TUBE1: variants seen among roughly 807,000 people sequenced by gnomAD.
TUBE1 encodes the protein tubulin epsilon 1.
Under a neutral mutation model 53.5 loss-of-function variants are expected in TUBE1, and 34 were observed. The observed-to-expected ratio is 0.64, with a 90% CI of 0.48 to 0.85. The LOEUF is 0.85. TUBE1 is among the 40% of genes least tolerant of loss of function. TUBE1 has a pLI of 0.00. For synonymous variants in TUBE1, 177 were observed against 198.4 expected (o/e 0.89, Z 0.91); for missense variants, 532 against 570.5 (o/e 0.93, Z 0.69).
At chr6:112,085,429 C>T (rs1174421055) in intron 3 of TUBE1, 1 of 247,160 alleles carries the variant, frequency 4.0e-6, no homozygotes, top group African/African-American at 2.3e-5. Flanking sequence ...AAGAAAAGCT[C>T]CCAGGCTGAG....
At chr6:112,087,209 G>C (rs1562607378) in intron 2 of TUBE1, 24 bp downstream of exon 2, 2 of 1,548,806 alleles carry the variant, frequency 1.3e-6, no homozygotes, top group Non-Finnish European at 8.7e-7. Context: ...ACAGGCGAGG[G>C]GGCTCGCGGC....
Position 112,071,208 on chromosome 6 carries a change from G to A in TUBE1, c.*204C>T. Reference sequence around the variant, plus strand: ...AAAGGGAACTTTTCTGAAGAGAAATGTTTGAAGTTAAGGTACTAAGATTTC... The same window carrying A: ...AAAGGGAACTTTTCTGAAGAGAAATATTTGAAGTTAAGGTACTAAGATTTC... On this transcript the variant is annotated 3_prime_UTR_variant, in exon 12 of 12. Transcript: ENST00000368662. 1 of 452,884 alleles carries A rather than the reference G, an allele frequency of 2.2e-6. No individual in the cohort carries two copies. Among genetic ancestry groups the A allele is most frequent in the Non-Finnish European group, 3.8e-6 (1 of 260,416 alleles). The allele number at this position is 452,884 out of a possible 1,614,324, so 28.1% of individuals were successfully genotyped here.
chr6:112,071,407 CT>C lies in TUBE1; in HGVS notation c.*4del. 1 of 1,487,810 alleles carries C rather than the reference CT, an allele frequency of 6.7e-7. No individual in the cohort carries two copies. Among genetic ancestry groups the C allele is most frequent in the South Asian group, 1.5e-5 (1 of 66,068 alleles). The allele number at this position is 1,487,810 out of a possible 1,614,324, so 92.2% of individuals were successfully genotyped here. On this transcript the variant is annotated 3_prime_UTR_variant, in exon 12 of 12. Transcript: ENST00000368662. ...ATTAAGAAAGTATTTTTGAGGGTTTCTTTTTCACATAGCTATGCTTAGTCTG... is the reference window on the plus strand; with the variant it reads ...ATTAAGAAAGTATTTTTGAGGGTTTCTTTTCACATAGCTATGCTTAGTCTG...
intron 6 of TUBE1, chr6:112,078,556 G>GTTCA (rs782383786): frequency 6.6e-6 from 1 of 151,986 alleles, no homozygotes; most frequent in Non-Finnish European, 1.5e-5. Context: ...TCATCTGTAA[G>GTTCA]GACAGGGAGT....
chr6:112,078,761 A>G (rs1777017929), intron 6 of TUBE1: 1 of 152,082 alleles, frequency 6.6e-6, no homozygotes, highest in Admixed American at 6.5e-5. Flanking sequence ...ACTAGCACAG[A>G]AACAAATTTG....
Position 112,081,065 on chromosome 6 carries a change from T to C in TUBE1, c.326+27A>G, listed in dbSNP as rs373045108. The C allele has an allele frequency of 1.0e-5, 14 of 1,353,604 alleles. No individual in the cohort carries two copies. In the African/African-American group the frequency reaches 1.5e-4, roughly 14 times the overall value. The allele number at this position is 1,353,604 out of a possible 1,614,324, so 83.8% of individuals were successfully genotyped here. On this transcript the variant is annotated intron_variant, in intron 5 of 11. Transcript: ENST00000368662. ...GATTGCTCATTTTTTTCAGAAGATATTCAATTTTTACGCTGTGTATTCTCA... is the reference window on the plus strand; with the variant it reads ...GATTGCTCATTTTTTTCAGAAGATACTCAATTTTTACGCTGTGTATTCTCA...
intron 6 of TUBE1, chr6:112,078,084 C>T (rs1171794706): frequency 2.0e-5 from 3 of 152,072 alleles, no homozygotes; most frequent in Non-Finnish European, 4.4e-5. Flanking sequence ...ATTTATGTCT[C>T]ATGATACTCA....
Position 112,076,098 on chromosome 6 carries a change from G to A in TUBE1, c.651C>T (p.Ile217=). ...LPIDNQSLFD[I]ISKIDLMVNS... is the part of the protein sequence containing the mutation. ...TCACCATGAGGTCGATTTTGCTAATGATGTCAAATAAAGACTTTTGAGGGA... is the reference window on the plus strand; with the variant it reads ...TCACCATGAGGTCGATTTTGCTAATAATGTCAAATAAAGACTTTTGAGGGA... Residue 217 remains isoleucine, a synonymous_variant, in exon 8 of 12, where the codon ATC becomes ATT. Transcript: ENST00000368662. 6.2e-7 allele frequency: 1 copy of A among 1,612,168 alleles called. No individual in the cohort carries two copies. Among genetic ancestry groups the A allele is most frequent in the Non-Finnish European group, 8.5e-7 (1 of 1,179,084 alleles).
chr6:112,081,235 A>G lies in TUBE1; in HGVS notation c.211-28T>C, dbSNP rs782787512. The G allele has an allele frequency of 3.1e-6, 4 of 1,275,226 alleles. No homozygotes were observed. The East Asian group carries it at 7.3e-5, about 23-fold the overall frequency. The allele number at this position is 1,275,226 out of a possible 1,614,324, so 79.0% of individuals were successfully genotyped here. A position where few individuals can be genotyped will look rare whatever the true frequency, so the allele number is the denominator to read the frequency against. ...GAGAAAGAAAAATAAAATATAATTA[A>G]TGTATTTTCTTTTAGAGTTATTCAC... On this transcript the variant is annotated intron_variant, in intron 4 of 11. Coordinates refer to ENST00000368662, the MANE Select transcript of TUBE1 (RefSeq NM_016262.5).
rs1440998442 is a variant in TUBE1 at position 112,072,036 on chromosome 6, C to G, written c.1135G>C (p.Gly379Arg). 1 of 1,604,348 alleles carries G rather than the reference C, an allele frequency of 6.2e-7. No individual in the cohort carries two copies. The highest frequency in any genetic ancestry group is 8.5e-7 in the Non-Finnish European group (1 of 1,176,872). ...ACGGAACACAGGCTGGTCTTCCAGC[C>G]TTCTTGATTCCAGGAGACAAATTGT... is the stretch of plus-strand genomic sequence containing the variant. ...SLQFVSWNQE[G>R]WKTSLCSVPP... Residue 379 changes from glycine (G) to arginine (R), a missense_variant, in exon 11 of 12, where the codon GGC becomes CGC. Gly to Arg is a moderately radical substitution (Grantham distance 125). Coordinates refer to ENST00000368662, the MANE Select transcript of TUBE1 (RefSeq NM_016262.5).
rs1776959246 is a variant in TUBE1, at chr6:112,076,007, T to A, written c.742A>T (p.Lys248Ter). ...SLVTSSSGAL[K>*]KQHKKPFDAM... ...TCAAAGGGCTTCTTATGCTGCTTTT[T>A]TAAAGCCCCAGAACTTGAAGTAACC... is the stretch of plus-strand genomic sequence containing the variant. The change falls in exon 8 of 12, where the codon AAA becomes TAA. Residue 248 changes from lysine to a stop codon, truncating the protein, a stop_gained. Transcript: ENST00000368662. LOFTEE classifies it high-confidence loss of function. 3 of 1,613,970 alleles carry A rather than the reference T, an allele frequency of 1.9e-6. No homozygotes were observed. Among genetic ancestry groups the A allele is most frequent in the Non-Finnish European group, 2.5e-6 (3 of 1,179,936 alleles).
At position 112,076,463 on chromosome 6, in the gene TUBE1, G is replaced by A. The variant is rs79553536; in HGVS notation, c.495C>T (p.Asp165=). ...LGTFLLKVLE[D]EFPEVYRFVT... Reference sequence around the variant, plus strand: ...CAAATCTGTATACTTCTGGGAATTCGTCTTCAAGCACCTTTAAAAGAAATG... The same window carrying A: ...CAAATCTGTATACTTCTGGGAATTCATCTTCAAGCACCTTTAAAAGAAATG... The change falls in exon 7 of 12, where the codon GAC becomes GAT. Residue 165 remains aspartate (D), a synonymous_variant. Coordinates refer to ENST00000368662, the MANE Select transcript of TUBE1 (RefSeq NM_016262.5). 3.2e-5 allele frequency: 52 copies of A among 1,612,268 alleles called. No homozygotes were observed. The highest frequency in any genetic ancestry group is 1.6e-4 in the Middle Eastern group (1 of 6,064).
chr6:112,076,100 T>A lies in TUBE1; in HGVS notation c.649A>T (p.Ile217Phe). Residue 217 changes from isoleucine to phenylalanine, a missense_variant, in exon 8 of 12, where the codon ATC becomes TTC. Physicochemically the swap from Ile to Phe is conservative, Grantham distance 21. Transcript: ENST00000368662. ...ACCATGAGGTCGATTTTGCTAATGA[T>A]GTCAAATAAAGACTTTTGAGGGAAA... ...LPIDNQSLFDIISKIDLMVNS... is the reference protein window; with the variant it reads ...LPIDNQSLFDFISKIDLMVNS... 2 of 1,612,118 alleles carry A rather than the reference T, an allele frequency of 1.2e-6. No individual in the cohort carries two copies. The highest frequency in any genetic ancestry group is 1.7e-6 in the Non-Finnish European group (2 of 1,179,086).
chr6:112,075,723 A>G, intron 8 of TUBE1: 1 of 403,926 alleles, frequency 2.5e-6, no homozygotes, highest in Admixed American at 4.1e-5. Context: ...ATCATATGAT[A>G]TCTGTTCATA....
At chr6:112,079,431 A>AG in intron 6 of TUBE1, 2 of 430,842 alleles carry the variant, frequency 4.6e-6, no homozygotes, top group South Asian at 9.0e-5. Context: ...TAAAAAAAAA[A>AG]AAAAAGAAAA....
intron 4 of TUBE1, among the ~76,000 whole-genome samples, chr6:112,082,648 CCTT>C (rs1421677086): frequency 6.6e-6 from 1 of 152,122 alleles, no homozygotes; most frequent in East Asian, 1.9e-4. Context: ...TACATCAGGC[CCTT>C]GTTTTTCCTT....
rs141187939 is a variant in TUBE1, at chr6:112,076,381, T to A, written c.577A>T (p.Ile193Phe). 1 of 1,609,546 alleles carries A rather than the reference T, an allele frequency of 6.2e-7. No individual in the cohort carries two copies. The highest frequency in any genetic ancestry group is 1.3e-5 in the African/African-American group (1 of 74,750). ...TCATTAAGTTCCTTCATTGCCAAGA[T>A]GCTATTATAAGGTGAGGTTATGACA... is the stretch of plus-strand genomic sequence containing the variant. ...DDVITSPYNS[I>F]LAMKELNEHA... Residue 193 changes from isoleucine to phenylalanine, a missense_variant, in exon 7 of 12, where the codon ATC becomes TTC. By Grantham distance (21) the Ile-to-Phe change is conservative. Coordinates refer to ENST00000368662, the MANE Select transcript of TUBE1 (RefSeq NM_016262.5).
At chr6:112,085,062 T>A (rs1224028517) in intron 3 of TUBE1, among the ~76,000 whole-genome samples, 2 of 152,172 alleles carry the variant, frequency 1.3e-5, no homozygotes, top group Non-Finnish European at 2.9e-5. Flanking sequence ...ATGCTACAGA[T>A]CAAGTAGTGG....
Position 112,071,971 on chromosome 6 carries a change from T to C in TUBE1, c.1200A>G (p.Ala400=). 1 of 1,612,766 alleles carries C rather than the reference T, an allele frequency of 6.2e-7. No homozygotes were observed. The highest frequency in any genetic ancestry group is 2.2e-5 in the East Asian group (1 of 44,848). ...AGGTGGGCTTCACACATGTGTTATT[T>C]GCTAAAGCTAATAACGAATGAGAAT... ...VGHSHSLLAL[A]NNTCVKPTFM... The change falls in exon 11 of 12, where the codon GCA becomes GCG. Residue 400 remains alanine (A), a synonymous_variant. Coordinates refer to ENST00000368662, the MANE Select transcript of TUBE1 (RefSeq NM_016262.5).
Sources: gnomAD v4.1 joint callset for allele counts (sites outside exome capture counted in the v4.1 genomes callset) on GRCh38, gnomAD v4.1.1 for gene constraint, MANE v1.5 for transcripts, NCBI Gene and HGNC (gene_info 2026-07-23, HGNC 2026-07-21) for gene names.